ANKFN1: variants seen among roughly 807,000 people sequenced by gnomAD.
ANKFN1 encodes ankyrin repeat and fibronectin type III domain containing 1.
In ANKFN1, 74 loss-of-function variants were observed where a neutral mutation model predicts 108.7. The ratio of observed to expected loss-of-function variants is 0.68; its 90% CI spans 0.56 to 0.83. The LOEUF is 0.83. ANKFN1 is among the 40% of genes least tolerant of loss of function. The pLI, the probability that ANKFN1 is intolerant of heterozygous loss-of-function variation, is 0.00. For synonymous variants in ANKFN1, 547 were observed against 516.2 expected, an observed-to-expected ratio of 1.06 and a Z score of -0.81; for missense variants, 1,505 against 1,382.3, an observed-to-expected ratio of 1.09 and a Z score of -1.41.
At chr17:56,089,334 G>T (rs918655084) in intron 4 of ANKFN1, among the ~76,000 whole-genome samples, 2 of 151,196 alleles carry the variant, frequency 1.3e-5, no homozygotes, top group Non-Finnish European at 3.0e-5. Flanking sequence ...ATTGCATAAG[G>T]TTTTACTACC....
intron 3 of ANKFN1, among the ~76,000 whole-genome samples, chr17:56,247,321 A>G (rs1396661648): frequency 6.6e-6 from 1 of 152,234 alleles, no homozygotes; most frequent in Non-Finnish European, 1.5e-5. Context: ...ATACAAAAAT[A>G]CAGGTCATTT....
At chr17:56,108,004 T>G (rs146909921) in intron 4 of ANKFN1, among the ~76,000 whole-genome samples, 1 of 151,678 alleles carries the variant, frequency 6.6e-6, no homozygotes, top group African/African-American at 2.4e-5. Flanking sequence ...TGGGACTACA[T>G]GCATGCGCCA....
intron 3 of ANKFN1, among the ~76,000 whole-genome samples, chr17:56,264,843 C>T (rs968343770): frequency 2.0e-5 from 3 of 152,084 alleles, no homozygotes; most frequent in African/African-American, 7.2e-5. Flanking sequence ...ATTTGGGACC[C>T]AGGAAACTTA....
chr17:56,434,778 T>TC, intron 8 of ANKFN1, among the ~76,000 whole-genome samples: 1 of 100,274 alleles, frequency 1.0e-5, no homozygotes, highest in East Asian at 6.8e-4. Context: ...TCTCGGCACG[T>TC]CCTTCTCTCT....
intron 3 of ANKFN1, among the ~76,000 whole-genome samples, chr17:56,261,025 G>A (rs575174978): frequency 3.7e-4 from 57 of 152,272 alleles, no homozygotes; most frequent in Non-Finnish European, 3.5e-4. Flanking sequence ...GTCCCTAAAT[G>A]GGTTCTGCAT....
rs570568496 is a variant in ANKFN1, at chr17:56,205,612, C to T, written c.-70-6986C>T. ...GTGTGTTTATATTCCTCATTTATAA[C>T]GAAAAGTGATACTATAGCCATCCCT... On this transcript the variant is annotated intron_variant, in intron 1 of 20. Transcript: ENST00000682825. Among the ~76,000 whole-genome samples the T allele has an allele frequency of 1.2e-4, 19 of 152,184 alleles. No homozygotes were observed. The East Asian group carries it at 1.5e-3, about 12-fold the overall frequency.
At chr17:56,154,773 G>T (rs555460885) in intron 1 of ANKFN1, among the ~76,000 whole-genome samples, 1 of 152,132 alleles carries the variant, frequency 6.6e-6, no homozygotes, top group Admixed American at 6.6e-5. Context: ...GGTACATTTG[G>T]GGGGCTCCAT....
chr17:56,407,169 C>T (rs549382571), intron 8 of ANKFN1, among the ~76,000 whole-genome samples: 99 of 152,060 alleles, frequency 6.5e-4, no homozygotes, highest in Admixed American at 1.8e-3. Context: ...AATTATTTTA[C>T]CAGAGTAAAC....
At chr17:56,251,221 G>A (rs955484259) in intron 3 of ANKFN1, among the ~76,000 whole-genome samples, 7 of 152,058 alleles carry the variant, frequency 4.6e-5, no homozygotes, top group Non-Finnish European at 1.5e-5. Context: ...TGAAACCTCT[G>A]TCTCCACTAA....
At chr17:56,159,573 C>T (rs144043917) in intron 1 of ANKFN1, among the ~76,000 whole-genome samples, 69 of 152,278 alleles carry the variant, frequency 4.5e-4, no homozygotes, top group African/African-American at 1.5e-3. Flanking sequence ...GTAATAACTG[C>T]TAAGTGTTTT....
chr17:56,440,308 G>A lies in ANKFN1; in HGVS notation c.911-19G>A, dbSNP rs777332952. ...ATTCTCCCTCTTTCTCTCTCTCCCTGCCCCCCTACTCCCTCCAGTGGAATG... is the reference window on the plus strand; with the variant it reads ...ATTCTCCCTCTTTCTCTCTCTCCCTACCCCCCTACTCCCTCCAGTGGAATG... On this transcript the variant is annotated intron_variant, in intron 8 of 20. Coordinates refer to ENST00000682825, the MANE Select transcript of ANKFN1 (RefSeq NM_001370326.1). 6.6e-7 allele frequency: 1 copy of A among 1,516,950 alleles called. No homozygotes were observed. The highest frequency in any genetic ancestry group is 1.1e-5 in the South Asian group (1 of 87,186). 94.0% of individuals were successfully genotyped at this position (1,516,950 alleles called of 1,614,324 possible).
intron 1 of ANKFN1, among the ~76,000 whole-genome samples, chr17:56,163,746 GTT>G (rs1240059707): frequency 6.6e-6 from 1 of 152,186 alleles, no homozygotes; most frequent in Non-Finnish European, 1.5e-5. Flanking sequence ...ACCTAATAGT[GTT>G]TGACTTCTTT....
intron 1 of ANKFN1, among the ~76,000 whole-genome samples, chr17:56,196,509 A>G (rs571262368): frequency 6.6e-6 from 1 of 152,140 alleles, no homozygotes; most frequent in Non-Finnish European, 1.5e-5. Flanking sequence ...CAAGGCAGGA[A>G]GATCGCATGA....
intron 1 of ANKFN1, among the ~76,000 whole-genome samples, chr17:56,183,017 T>A (rs1021253232): frequency 6.6e-6 from 1 of 152,188 alleles, no homozygotes; most frequent in Non-Finnish European, 1.5e-5. Flanking sequence ...TATTGAAACA[T>A]GCTGCTCAGA....
chr17:56,384,138 G>A (rs937200088), intron 8 of ANKFN1, among the ~76,000 whole-genome samples: 2 of 152,178 alleles, frequency 1.3e-5, no homozygotes, highest in Non-Finnish European at 2.9e-5. Flanking sequence ...CCATGATCAA[G>A]TGGGCTTCAT....
intron 6 of ANKFN1, among the ~76,000 whole-genome samples, chr17:56,360,112 C>T (rs1327600882): frequency 6.6e-6 from 1 of 152,164 alleles, no homozygotes; most frequent in Non-Finnish European, 1.5e-5. Context: ...AAGCCTTAGA[C>T]AGGTCTCTAT....
chr17:56,489,087 G>C (rs10852986), intron 18 of ANKFN1, among the ~76,000 whole-genome samples: 78,301 of 152,098 alleles, frequency 0.51, 24,386 homozygotes, highest in East Asian at 0.87. Flanking sequence ...CAGAAGTATG[G>C]TTCAAACCCA....
chr17:56,332,902 A>G (rs995476169), intron 4 of ANKFN1, among the ~76,000 whole-genome samples: 37 of 152,148 alleles, frequency 2.4e-4, no homozygotes, highest in Admixed American at 1.2e-3. Context: ...CATTGAATGT[A>G]TATGTCAGTT....
chr17:56,278,846 T>C (rs2044001065), intron 3 of ANKFN1, among the ~76,000 whole-genome samples: 1 of 152,226 alleles, frequency 6.6e-6, no homozygotes, highest in Non-Finnish European at 1.5e-5. Flanking sequence ...TGTCTTGAAA[T>C]GCCTTGAAGT....
Sources: gnomAD v4.1 joint callset for allele counts (sites outside exome capture counted in the v4.1 genomes callset) on GRCh38, gnomAD v4.1.1 for gene constraint, MANE v1.5 for transcripts, NCBI Gene and HGNC (gene_info 2026-07-23, HGNC 2026-07-21) for gene names.